Variants in FOXP1 observed in about 807,000 individuals in gnomAD.
FOXP1 encodes forkhead box P1, also known as forkhead box protein P1.
A neutral mutation model predicts 98.2 loss-of-function variants in FOXP1; 15 were observed. That is an observed-to-expected ratio of 0.15 (90% CI 0.10 to 0.24). The LOEUF (loss-of-function observed/expected upper bound fraction) is 0.24. Among genes scored for constraint, FOXP1 ranks in the 10% least tolerant of loss-of-function variants. FOXP1 has a pLI of 1.00. For synonymous variants in FOXP1, 371 were observed against 314.5 expected (o/e 1.18, Z -1.90); for missense variants, 633 against 848.5 (o/e 0.75, Z 3.15).
chr3:71,232,963 GACT>G (rs1024408015), intron 5 of FOXP1, among the ~76,000 whole-genome samples: 43 of 142,342 alleles, frequency 3.0e-4, no homozygotes, highest in South Asian at 1.1e-3. Flanking sequence ...CCACCACCAC[GACT>G]ACTACTACTA....
chr3:71,128,239 C>T (rs2107892456), intron 6 of FOXP1, among the ~76,000 whole-genome samples: 1 of 150,690 alleles, frequency 6.6e-6, no homozygotes, highest in East Asian at 1.9e-4. Flanking sequence ...CCAGTATGCG[C>T]ACATATATCA....
intron 3 of FOXP1, among the ~76,000 whole-genome samples, chr3:71,483,456 G>A (rs979303794): frequency 2.0e-5 from 3 of 152,158 alleles, no homozygotes; most frequent in African/African-American, 7.2e-5. Flanking sequence ...CTGGGGCTTG[G>A]CAAACTATAG....
intron 5 of FOXP1, among the ~76,000 whole-genome samples, chr3:71,203,926 T>C (rs574208344): frequency 1.8e-5 from 2 of 112,652 alleles, no homozygotes; most frequent in South Asian, 2.8e-4. Context: ...CAGAAGCTCA[T>C]GGAAAAGGAA....
chr3:71,247,155 T>C (rs899552490), intron 5 of FOXP1, among the ~76,000 whole-genome samples: 4 of 152,216 alleles, frequency 2.6e-5, no homozygotes, highest in East Asian at 1.9e-4. Flanking sequence ...TTCAAACTTA[T>C]AATTTTATTC....
rs142048401 is a variant in FOXP1, at chr3:71,540,324, C to T, written c.-298+41225G>A. Among the ~76,000 whole-genome samples, 1,279 of 152,264 alleles carry T rather than the reference C, an allele frequency of 8.4e-3. 8 individuals are homozygous for T. The highest frequency in any genetic ancestry group is 0.018 in the South Asian group (85 of 4,828). On this transcript the variant is annotated intron_variant, in intron 2 of 20. Coordinates refer to ENST00000649528, the MANE Select transcript of FOXP1 (RefSeq NM_001349338.3). ...GTCCGCCAGACAATGATGTAAACAA[C>T]GTCTAATGACACCCAAAGGTAAAAC...
intron 3 of FOXP1, among the ~76,000 whole-genome samples, chr3:71,421,239 A>G (rs1194552289): frequency 6.6e-6 from 1 of 152,190 alleles, no homozygotes; most frequent in African/African-American, 2.4e-5. Flanking sequence ...AAGAAACTAC[A>G]GGGGAAAGTG....
intron 4 of FOXP1, among the ~76,000 whole-genome samples, chr3:71,327,844 T>C (rs566148189): frequency 6.6e-6 from 1 of 152,308 alleles, no homozygotes; most frequent in East Asian, 1.9e-4. Context: ...TTGCTTATTA[T>C]AACACATTCT....
intron 6 of FOXP1, among the ~76,000 whole-genome samples, chr3:71,177,167 G>A (rs1483962975): frequency 6.6e-6 from 1 of 152,208 alleles, no homozygotes; most frequent in African/African-American, 2.4e-5. Context: ...GACGGTGCCA[G>A]GCTTGGGTGT....
chr3:71,086,996 C>T (rs1263564419), intron 7 of FOXP1, among the ~76,000 whole-genome samples: 3 of 152,176 alleles, frequency 2.0e-5, no homozygotes, highest in Admixed American at 6.5e-5. Flanking sequence ...TGGAAACTAA[C>T]GGCTGTTTAC....
At chr3:71,501,843 C>T (rs2107193149) in intron 2 of FOXP1, among the ~76,000 whole-genome samples, 1 of 152,238 alleles carries the variant, frequency 6.6e-6, no homozygotes, top group South Asian at 2.1e-4. Flanking sequence ...GTACCCAGTG[C>T]CCTGAAAACC....
chr3:71,583,864 C>A (rs1296754567), upstream of FOXP1: 2 of 985,486 alleles, frequency 2.0e-6, no homozygotes, highest in South Asian at 4.5e-5. Context: ...CGCACCCCGG[C>A]CCGACCCTCT....
intron 6 of FOXP1, among the ~76,000 whole-genome samples, chr3:71,113,275 A>C (rs1249349584): frequency 1.3e-5 from 2 of 152,178 alleles, no homozygotes; most frequent in African/African-American, 4.8e-5. Context: ...TCTGTGAACA[A>C]AACTGGTTAC....
intron 2 of FOXP1, among the ~76,000 whole-genome samples, chr3:71,523,670 T>C (rs2043154726): frequency 6.6e-6 from 1 of 152,214 alleles, no homozygotes; most frequent in South Asian, 2.1e-4. Context: ...TTGTTTTTTT[T>C]CTAGCTGTAC....
At chr3:71,402,535 T>C (rs192041303) in intron 3 of FOXP1, among the ~76,000 whole-genome samples, 104 of 152,306 alleles carry the variant, frequency 6.8e-4, no homozygotes, top group South Asian at 1.7e-3. Flanking sequence ...ACTTTGTACA[T>C]TTCTAGCAGG....
intron 3 of FOXP1, among the ~76,000 whole-genome samples, chr3:71,477,616 T>C (rs563486113): frequency 1.3e-5 from 2 of 152,350 alleles, no homozygotes; most frequent in South Asian, 4.1e-4. Context: ...TAACCCTTGA[T>C]TTCTATTTCT....
chr3:71,393,257 T>C (rs2081159885), intron 3 of FOXP1, among the ~76,000 whole-genome samples: 1 of 152,156 alleles, frequency 6.6e-6, no homozygotes, highest in Admixed American at 6.5e-5. Flanking sequence ...CTCATATTCA[T>C]GACACATATT....
rs955991804 is a variant in FOXP1 at position 71,053,498 on chromosome 3, T to G, written c.420+138A>C. 9.2e-6 allele frequency: 9 copies of G among 980,134 alleles called. No individual in the cohort carries two copies. The Admixed American group carries it at 1.4e-4, about 15-fold the overall frequency. The allele number at this position is 980,134 out of a possible 1,614,324, so 60.7% of individuals were successfully genotyped here. A position where few individuals can be genotyped will look rare whatever the true frequency, so the allele number is the denominator to read the frequency against. ...CACATCGATTATTCAGGGAGTGGTCTGTGTCCTGCCCCACCCACGCTGCTT... is the reference window on the plus strand; with the variant it reads ...CACATCGATTATTCAGGGAGTGGTCGGTGTCCTGCCCCACCCACGCTGCTT... On this transcript the variant is annotated intron_variant, in intron 8 of 20. Transcript: ENST00000649528.
chr3:71,288,665 C>T (rs536566630), intron 5 of FOXP1, among the ~76,000 whole-genome samples: 64 of 152,268 alleles, frequency 4.2e-4, no homozygotes, highest in East Asian at 3.1e-3. Flanking sequence ...GATTAGAGAA[C>T]GGGTCAAGAG....
chr3:71,367,401 G>A (rs964284347), intron 3 of FOXP1, among the ~76,000 whole-genome samples: 1 of 152,128 alleles, frequency 6.6e-6, no homozygotes, highest in East Asian at 1.9e-4. Context: ...CAGAACAGGG[G>A]CCAAAAGCAT....
Sources: gnomAD v4.1 joint callset for allele counts (sites outside exome capture counted in the v4.1 genomes callset) on GRCh38, gnomAD v4.1.1 for gene constraint, MANE v1.5 for transcripts, NCBI Gene and HGNC (gene_info 2026-07-23, HGNC 2026-07-21) for gene names.